Variants in WDR27 observed in about 807,000 individuals in gnomAD.
The protein encoded by WDR27 is WD repeat-containing protein 27.
In WDR27, 100 loss-of-function variants were observed where a neutral mutation model predicts 114.4. The observed-to-expected ratio is 0.87, with a 90% confidence interval of 0.74 to 1.03. WDR27 has a LOEUF of 1.03. WDR27 is among the 50% of genes least tolerant of loss of function. The pLI, the probability that WDR27 is intolerant of heterozygous loss-of-function variation, is 0.00. For synonymous variants in WDR27, 449 were observed against 423.1 expected, an observed-to-expected ratio of 1.06 and a Z score of -0.75; for missense variants, 1,129 against 1,092.9, an observed-to-expected ratio of 1.03 and a Z score of -0.47.
At chr6:169,514,185 A>G (rs1444089897) in intron 25 of WDR27, among the ~76,000 whole-genome samples, 1 of 151,950 alleles carries the variant, frequency 6.6e-6, no homozygotes, top group Admixed American at 6.6e-5. Context: ...ACACATATAC[A>G]TATATAGATA....
At chr6:169,545,024 C>T (rs1265692432) in intron 25 of WDR27, among the ~76,000 whole-genome samples, 1 of 152,142 alleles carries the variant, frequency 6.6e-6, no homozygotes, top group Non-Finnish European at 1.5e-5. Context: ...ATCAAAATTC[C>T]AAAAAGAATT....
rs557685707 is a variant in WDR27 at position 169,660,198 on chromosome 6, AGGGGGT to A, written c.1129+459_1129+464del. Among the ~76,000 whole-genome samples the A allele has an allele frequency of 0.018, 29 of 1,572 alleles. No individual in the cohort carries two copies. The East Asian group carries it at 0.21, about 11-fold the overall frequency. The allele number at this position is 1,572 out of a possible 152,430, so 1.0% of individuals were successfully genotyped here. ...GGGGATGAGATGGGGGTCTTGGGGG[AGGGGGT>A]GGGGGTGGAGGTGACTATTCCTACA... On this transcript the variant is annotated intron_variant, in intron 10 of 25. Transcript: ENST00000448612.
At chr6:169,643,673 G>T in intron 17 of WDR27, 24 bp downstream of exon 17, 2 of 1,604,144 alleles carry the variant, frequency 1.2e-6, no homozygotes, top group African/African-American at 1.3e-5. Flanking sequence ...AGTTCATACT[G>T]ACTGAAATTA....
At position 169,632,945 on chromosome 6, in the gene WDR27, AC is replaced by A. The variant is rs866152131; in HGVS notation, c.2223+1del. 5 of 1,576,730 alleles carry A rather than the reference AC, an allele frequency of 3.2e-6. No individual in the cohort carries two copies. Among genetic ancestry groups the A allele is most frequent in the Middle Eastern group, 1.9e-4 (1 of 5,254 alleles). On this transcript the variant is annotated splice_donor_variant, in intron 21 of 25. Coordinates refer to ENST00000448612, the MANE Select transcript of WDR27 (RefSeq NM_182552.5). LOFTEE classifies it high-confidence loss of function. ...ATACATGTTATCCAAAAACTTACTC[AC>A]TTTATTTTGGCAGATTTGATGGACA...
chr6:169,660,516 G>A, intron 10 of WDR27, 147 bp downstream of exon 10: 4 of 689,456 alleles, frequency 5.8e-6, no homozygotes, highest in Non-Finnish European at 1.0e-5. Context: ...GCACAGAGGT[G>A]CTCACGTGCT....
At chr6:169,586,354 G>T (rs1448549552) in intron 23 of WDR27, among the ~76,000 whole-genome samples, 19 of 152,160 alleles carry the variant, frequency 1.2e-4, no homozygotes, top group African/African-American at 4.3e-4. Flanking sequence ...CTTCAATGGT[G>T]CAATCTTTCC....
intron 23 of WDR27, among the ~76,000 whole-genome samples, chr6:169,584,527 C>G (rs953478634): frequency 3.3e-5 from 5 of 152,206 alleles, no homozygotes; most frequent in Non-Finnish European, 7.3e-5. Flanking sequence ...TTCCCACCAA[C>G]AGTGCACAGG....
intron 1 of WDR27, among the ~76,000 whole-genome samples, chr6:169,692,105 T>C (rs923443530): frequency 1.3e-5 from 2 of 152,138 alleles, no homozygotes. Context: ...TAAAAATCAA[T>C]ATCACAGGAG....
intron 6 of WDR27, chr6:169,666,606 C>T (rs901361791): frequency 1.0e-5 from 10 of 985,492 alleles, no homozygotes; most frequent in Non-Finnish European, 1.1e-5. Flanking sequence ...CGCGGACGGA[C>T]GCCTGCACCA....
chr6:169,458,646 G>A (rs1784564521), intron 25 of WDR27, among the ~76,000 whole-genome samples: 1 of 152,052 alleles, frequency 6.6e-6, no homozygotes. Context: ...AAAATGAGCT[G>A]TGTTGTGGCA....
At chr6:169,537,671 G>A (rs1796345919) in intron 25 of WDR27, among the ~76,000 whole-genome samples, 1 of 152,146 alleles carries the variant, frequency 6.6e-6, no homozygotes, top group African/African-American at 2.4e-5. Flanking sequence ...TGGGTAGAAT[G>A]AACCACCATG....
intron 25 of WDR27, among the ~76,000 whole-genome samples, chr6:169,463,764 AAAAAGG>A (rs1390304421): frequency 1.3e-5 from 2 of 152,232 alleles, no homozygotes; most frequent in African/African-American, 4.8e-5. Context: ...CTGAAACTCT[AAAAAGG>A]AAATTATTAA....
chr6:169,557,052 G>A (rs9371117), intron 25 of WDR27, among the ~76,000 whole-genome samples: 4 of 152,028 alleles, frequency 2.6e-5, no homozygotes, highest in Admixed American at 1.3e-4. Context: ...CGTGTCTCTC[G>A]CAAGAGAAAC....
chr6:169,461,874 A>C (rs1784949488), intron 25 of WDR27, among the ~76,000 whole-genome samples: 1 of 152,048 alleles, frequency 6.6e-6, no homozygotes, highest in African/African-American at 2.4e-5. Context: ...AACTATATGG[A>C]CTAAGAAAAA....
At chr6:169,682,570 T>C (rs1462857533) in intron 2 of WDR27, among the ~76,000 whole-genome samples, 1 of 152,236 alleles carries the variant, frequency 6.6e-6, no homozygotes, top group Non-Finnish European at 1.5e-5. Flanking sequence ...TCAGTCTATG[T>C]AGAATCCCTG....
intron 7 of WDR27, 123 bp from the exon 8 acceptor site, chr6:169,664,409 G>A (rs754306358): frequency 5.8e-6 from 9 of 1,558,706 alleles, no homozygotes; most frequent in Non-Finnish European, 7.8e-6. Flanking sequence ...ACGGCCTGCA[G>A]AGGCTCCCGG....
intron 25 of WDR27, among the ~76,000 whole-genome samples, chr6:169,484,296 C>T (rs1307390148): frequency 6.6e-6 from 1 of 152,216 alleles, no homozygotes; most frequent in Non-Finnish European, 1.5e-5. Flanking sequence ...AGCCCAAAAG[C>T]TCCTTGATCT....
rs193263593 is a variant in WDR27 at position 169,697,653 on chromosome 6, T to A, written c.-8+3898A>T. On this transcript the variant is annotated intron_variant, in intron 1 of 25. Coordinates refer to ENST00000448612, the MANE Select transcript of WDR27 (RefSeq NM_182552.5). ...AAAATTAGTGAAAGTACTAAAAGTC[T>A]CTAATAAGCAGAAATAACGGTGTAA... Among the ~76,000 whole-genome samples, 621 of 152,302 alleles carry A rather than the reference T, an allele frequency of 4.1e-3. 2 individuals are homozygous for A. Among genetic ancestry groups the A allele is most frequent in the South Asian group, 0.018 (88 of 4,826 alleles).
intron 2 of WDR27, among the ~76,000 whole-genome samples, chr6:169,676,489 G>T (rs1041960571): frequency 6.6e-6 from 1 of 152,274 alleles, no homozygotes; most frequent in Non-Finnish European, 1.5e-5. Context: ...CTCTTGTGGG[G>T]AAAATCTACA....
Sources: allele counts gnomAD v4.1 joint callset (sites outside exome capture counted in the v4.1 genomes callset), GRCh38; gene constraint gnomAD v4.1.1; transcripts MANE v1.5; gene names NCBI Gene and HGNC (gene_info 2026-07-23, HGNC 2026-07-21).